Variants in USP34 observed in about 807,000 individuals in gnomAD.
USP34 encodes ubiquitin specific peptidase 34.
Under a neutral mutation model 460.3 loss-of-function variants are expected in USP34, and 70 were observed. The ratio of observed to expected loss-of-function variants is 0.15; its 90% CI spans 0.13 to 0.19. The LOEUF is 0.19. Ranked by LOEUF, USP34 falls within the 10% of genes least tolerant of loss-of-function variation. The pLI is 1.00. For missense variants in USP34, 3,985 were observed against 4,236.2 expected (o/e 0.94, Z 1.65); for synonymous variants, 1,647 against 1,405.3 (o/e 1.17, Z -3.85).
intron 6 of USP34, 65 bp from the exon 7 acceptor site, chr2:61,380,426 A>T (rs1692936250): frequency 2.7e-6 from 4 of 1,491,000 alleles, no homozygotes; most frequent in Non-Finnish European, 2.7e-6. Flanking sequence ...ACCACTCAGT[A>T]ACTTAAAATG....
chr2:61,328,812 T>A (rs926942013), intron 20 of USP34, among the ~76,000 whole-genome samples: 2 of 152,212 alleles, frequency 1.3e-5, no homozygotes, highest in Non-Finnish European at 2.9e-5. Flanking sequence ...ACTTTCTCTT[T>A]ACGAGGATGA....
intron 19 of USP34, among the ~76,000 whole-genome samples, chr2:61,333,317 G>A (rs1000771009): frequency 2.6e-5 from 4 of 151,982 alleles, no homozygotes; most frequent in Non-Finnish European, 4.4e-5. Flanking sequence ...TTCAGATTCC[G>A]TAATATTCGC....
intron 1 of USP34, among the ~76,000 whole-genome samples, chr2:61,446,113 C>CAAAAAAAAAAAA (rs35776849): frequency 1.1e-5 from 1 of 87,242 alleles, no homozygotes; most frequent in Non-Finnish European, 2.2e-5. Flanking sequence ...GACTCTGTCT[C>CAAAAAAAAAAAA]AAAAAAAAAA....
At chr2:61,339,521 T>C in intron 17 of USP34, 43 bp from the exon 18 acceptor site, 1 of 1,561,644 alleles carries the variant, frequency 6.4e-7, no homozygotes. Flanking sequence ...CCTAATTGCA[T>C]CTTGCTGAAA....
chr2:61,259,927 T>A, intron 43 of USP34, 151 bp from the exon 44 acceptor site: 1 of 605,978 alleles, frequency 1.7e-6, no homozygotes, highest in Non-Finnish European at 2.8e-6. Context: ...AATTCTTTAG[T>A]AATTATAGCA....
At chr2:61,404,185 C>G (rs1353702054) in intron 3 of USP34, among the ~76,000 whole-genome samples, 1 of 151,504 alleles carries the variant, frequency 6.6e-6, no homozygotes, top group Non-Finnish European at 1.5e-5. Flanking sequence ...TGAAAATATC[C>G]CAGTAAAGGA....
At chr2:61,410,435 T>TAC (rs1331954417) in intron 2 of USP34, among the ~76,000 whole-genome samples, 2 of 152,180 alleles carry the variant, frequency 1.3e-5, no homozygotes, top group African/African-American at 4.8e-5. Flanking sequence ...TGGCTGTAAA[T>TAC]ACAGATGAAA....
At chr2:61,456,380 G>A (rs1040898323) in intron 1 of USP34, among the ~76,000 whole-genome samples, 3 of 152,188 alleles carry the variant, frequency 2.0e-5, no homozygotes, top group African/African-American at 7.2e-5. Context: ...AATAATATAT[G>A]AAATGACATT....
Position 61,236,348 on chromosome 2 carries a change from GT to G in USP34, c.6818del (p.Asn2273ThrfsTer30). On this transcript the variant is annotated frameshift_variant, in exon 54 of 80. Coordinates refer to ENST00000398571, the MANE Select transcript of USP34 (RefSeq NM_014709.4). LOFTEE classifies it high-confidence loss of function. The part of the protein sequence containing the change: ...HDNMQFLQDK[N>X]IFEHTYFGFM... ...ACCCAAAATATGTATGTTCAAAAAT[GT>G]TTTTGTCTTGAAGAAACTGCATGTT... 1 of 1,604,812 alleles carries G rather than the reference GT, an allele frequency of 6.2e-7. No homozygotes were observed. Among genetic ancestry groups the G allele is most frequent in the Admixed American group, 1.7e-5 (1 of 58,306 alleles).
chr2:61,452,030 C>A (rs1315975901), intron 1 of USP34, among the ~76,000 whole-genome samples: 1 of 151,688 alleles, frequency 6.6e-6, no homozygotes, highest in Non-Finnish European at 1.5e-5. Flanking sequence ...AAAAATTAGC[C>A]GGGCGTGGTG....
At chr2:61,384,588 G>A (rs986939431) in intron 5 of USP34, among the ~76,000 whole-genome samples, 5 of 152,016 alleles carry the variant, frequency 3.3e-5, no homozygotes, top group Admixed American at 2.6e-4. Flanking sequence ...TGGGAGATTC[G>A]CTTGAACCCA....
rs750622477 is a variant in USP34, at chr2:61,278,408, A to G, written c.5292T>C (p.His1764=). The G allele has an allele frequency of 1.2e-6, 2 of 1,603,460 alleles. No individual in the cohort carries two copies. Among genetic ancestry groups the G allele is most frequent in the Non-Finnish European group, 1.7e-6 (2 of 1,176,788 alleles). ...TTTACCTTCGAATACAGTCAGCCAA[A>G]TGTCTTGCCAAGGCATCTAAGTCGA... ...TLLDLDALAR[H]LADCIRSREI... The change falls in exon 40 of 80, where the codon CAT becomes CAC. Residue 1764 remains histidine, a synonymous_variant. Transcript: ENST00000398571.
chr2:61,221,286 G>A (rs1317039995), intron 66 of USP34, among the ~76,000 whole-genome samples: 3 of 152,156 alleles, frequency 2.0e-5, no homozygotes, highest in East Asian at 1.9e-4. Flanking sequence ...GTAGGGGAAT[G>A]AAAACTTCAA....
At position 61,320,474 on chromosome 2, in the gene USP34, G is replaced by A. The variant is rs561877325; in HGVS notation, c.3014-1147C>T. On this transcript the variant is annotated intron_variant, in intron 21 of 79. Coordinates refer to ENST00000398571, the MANE Select transcript of USP34 (RefSeq NM_014709.4). ...GGGGAGAATGTGTAAATTCTGCACA[G>A]GCAGTGGCCCGGGCCAGGAATCAGT... Among the ~76,000 whole-genome samples, 13 of 150,640 alleles carry A rather than the reference G, an allele frequency of 8.6e-5. 1 individual carries two copies. In the South Asian group the frequency reaches 2.8e-3, roughly 32 times the overall value.
intron 58 of USP34, among the ~76,000 whole-genome samples, 197 bp from the exon 59 acceptor site, chr2:61,229,830 T>C (rs1687839436): frequency 6.6e-6 from 1 of 152,074 alleles, no homozygotes; most frequent in Non-Finnish European, 1.5e-5. Flanking sequence ...TTCAGTTTTA[T>C]GATAAAGAGA....
At position 61,206,752 on chromosome 2, in the gene USP34, G is replaced by A; in HGVS notation, c.9046+8C>T. On this transcript the variant is annotated splice_region_variant and intron_variant, in intron 71 of 79. Coordinates refer to ENST00000398571, the MANE Select transcript of USP34 (RefSeq NM_014709.4). ...CGAACAAAACATAAGAAGTAGGAAT[G>A]AGCAAACCTTTTCTCTGAAGATAAG... is the stretch of plus-strand genomic sequence containing the variant. 1.2e-6 allele frequency: 2 copies of A among 1,612,602 alleles called. No individual in the cohort carries two copies. Among genetic ancestry groups the A allele is most frequent in the South Asian group, 1.1e-5 (1 of 90,790 alleles).
At chr2:61,242,261 C>G (rs1688284532) in intron 51 of USP34, among the ~76,000 whole-genome samples, 1 of 152,098 alleles carries the variant, frequency 6.6e-6, no homozygotes, top group Admixed American at 6.5e-5. Flanking sequence ...GTAATTTATT[C>G]TGACATGTCA....
At chr2:61,201,760 C>T (rs1156873211) in intron 75 of USP34, among the ~76,000 whole-genome samples, 1 of 152,058 alleles carries the variant, frequency 6.6e-6, no homozygotes, top group Non-Finnish European at 1.5e-5. Flanking sequence ...TAAAGCTGTC[C>T]GAGTAGCTAG....
At position 61,444,951 on chromosome 2, in the gene USP34, A is replaced by C. The variant is rs565206268; in HGVS notation, c.44-24118T>G. On this transcript the variant is annotated intron_variant, in intron 1 of 79. Transcript: ENST00000398571. ...AAAAAAAAAAACTGAGCAAGTGAGG[A>C]AAAAACTTATCTTCAAAGAAGTAAC... 2.0e-5 allele frequency among the ~76,000 whole-genome samples: 3 copies of C among 151,034 alleles called. No homozygotes were observed. In the East Asian group the frequency reaches 5.8e-4, roughly 29 times the overall value.
Sources: allele counts gnomAD v4.1 joint callset (sites outside exome capture counted in the v4.1 genomes callset), GRCh38; gene constraint gnomAD v4.1.1; transcripts MANE v1.5; gene names NCBI Gene and HGNC (gene_info 2026-07-23, HGNC 2026-07-21).